CHEK2: variants seen among roughly 807,000 people sequenced by gnomAD.
CHEK2 encodes checkpoint kinase 2, also known as serine/threonine-protein kinase Chk2.
CHEK2 carries 71 observed loss-of-function variants against 69.1 expected under a neutral mutation model. The observed-to-expected ratio is 1.03, with a 90% CI of 0.85 to 1.25. CHEK2 has a LOEUF of 1.25. CHEK2 is among the 50% of genes most tolerant of loss of function. The pLI is 0.00. For missense variants in CHEK2, 664 were observed against 649.6 expected, an observed-to-expected ratio of 1.02 and a Z score of -0.24; for synonymous variants, 189 against 226.9, an observed-to-expected ratio of 0.83 and a Z score of 1.50.
At chr22:28,711,567 G>A (rs1787623761) in intron 6 of CHEK2, among the ~76,000 whole-genome samples, 1 of 151,740 alleles carries the variant, frequency 6.6e-6, no homozygotes, top group African/African-American at 2.4e-5. Context: ...CAGCTGTGGG[G>A]TTACAGTGGG....
chr22:28,708,029 C>T (rs1006612418), intron 7 of CHEK2, among the ~76,000 whole-genome samples: 15 of 151,676 alleles, frequency 9.9e-5, no homozygotes, highest in Middle Eastern at 3.2e-3. Flanking sequence ...TTAGTAGAGA[C>T]GGGATTTCAC....
chr22:28,694,319 T>C (rs1281446260), intron 12 of CHEK2, among the ~76,000 whole-genome samples: 2 of 152,216 alleles, frequency 1.3e-5, no homozygotes, highest in Non-Finnish European at 2.9e-5. Context: ...TGACACTCCC[T>C]GTCTCCTGCT....
At chr22:28,739,586 G>A (rs1356768872) in intron 1 of CHEK2, among the ~76,000 whole-genome samples, 2 of 152,030 alleles carry the variant, frequency 1.3e-5, no homozygotes, top group African/African-American at 2.4e-5. Flanking sequence ...CTACTTGGGA[G>A]GCTGAGGCAG....
chr22:28,712,833 G>A (rs370351969), intron 5 of CHEK2, among the ~76,000 whole-genome samples: 2 of 152,228 alleles, frequency 1.3e-5, no homozygotes, highest in East Asian at 3.9e-4. Context: ...ATTTACCACT[G>A]TAATCATTTT....
At chr22:28,712,266 C>A in intron 5 of CHEK2, 2 of 499,882 alleles carry the variant, frequency 4.0e-6, no homozygotes, top group South Asian at 2.7e-5. Flanking sequence ...CTTACTGTAG[C>A]CCTGGATTGT....
At chr22:28,690,016 C>T (rs540754157) in intron 13 of CHEK2, among the ~76,000 whole-genome samples, 3 of 152,314 alleles carry the variant, frequency 2.0e-5, no homozygotes, top group African/African-American at 7.2e-5. Flanking sequence ...AGAAGCCCAG[C>T]TCAGCCACTC....
intron 14 of CHEK2, among the ~76,000 whole-genome samples, chr22:28,688,664 G>A (rs2052221332): frequency 6.6e-6 from 1 of 150,386 alleles, no homozygotes; most frequent in Non-Finnish European, 1.5e-5. Context: ...CCAAGACTCT[G>A]TCTCAAGAAA....
chr22:28,698,599 C>A (rs1334403566), intron 9 of CHEK2, among the ~76,000 whole-genome samples: 2 of 152,140 alleles, frequency 1.3e-5, no homozygotes, highest in Non-Finnish European at 2.9e-5. Flanking sequence ...ACAAGGATTG[C>A]TCCCAATCAC....
At chr22:28,715,649 AC>A (rs2053562907) in intron 5 of CHEK2, among the ~76,000 whole-genome samples, 1 of 151,984 alleles carries the variant, frequency 6.6e-6, no homozygotes, top group African/African-American at 2.4e-5. Flanking sequence ...CAAACTCCTG[AC>A]CTCAAGTGAT....
intron 6 of CHEK2, 37 bp downstream of exon 6, chr22:28,711,872 G>T: frequency 7.4e-7 from 1 of 1,343,770 alleles, no homozygotes; most frequent in Non-Finnish European, 1.1e-6. Flanking sequence ...ATGAAGACGT[G>T]TTAATAAAAG....
chr22:28,733,517 C>T (rs2054277049), intron 2 of CHEK2, among the ~76,000 whole-genome samples: 1 of 152,156 alleles, frequency 6.6e-6, no homozygotes, highest in South Asian at 2.1e-4. Context: ...CCTTTTATCA[C>T]ATTCAAACTC....
At chr22:28,699,492 G>A (rs143550629) in intron 9 of CHEK2, among the ~76,000 whole-genome samples, 3,253 of 149,968 alleles carry the variant, frequency 0.022, 43 homozygotes, top group Non-Finnish European at 0.027. Context: ...AGCCTCCCGA[G>A]TAGCTGGGAC....
intron 6 of CHEK2, among the ~76,000 whole-genome samples, chr22:28,711,013 C>G (rs1160782832): frequency 6.6e-6 from 1 of 152,072 alleles, no homozygotes; most frequent in Non-Finnish European, 1.5e-5. Context: ...ATTCCTCTTG[C>G]CATGTGAGAA....
intron 4 of CHEK2, among the ~76,000 whole-genome samples, chr22:28,721,054 T>A (rs1369284119): frequency 6.6e-6 from 1 of 152,172 alleles, no homozygotes; most frequent in Non-Finnish European, 1.5e-5. Context: ...ACAACTTCTC[T>A]AAGACATCTG....
chr22:28,734,593 G>A lies in CHEK2; in HGVS notation c.129C>T (p.Thr43=), dbSNP rs786202779. The A allele has an allele frequency of 6.2e-7, 1 of 1,613,940 alleles. No individual in the cohort carries two copies. The highest frequency in any genetic ancestry group is 8.5e-7 in the Non-Finnish European group (1 of 1,180,004). The change falls in exon 2 of 15, where the codon ACC becomes ACT. Residue 43 remains threonine (T), a synonymous_variant. Transcript: ENST00000404276. ...ACTGGCTGGAGTTTGGCATCGTGCT[G>A]GTAGAGGAGCTGGATATGCCCTGGG... The part of the protein sequence containing the change: ...SQSQGISSSS[T]STMPNSSQSS...
rs1271556653 is a variant in CHEK2, at chr22:28,690,091, A to C, written c.1462-876T>G. On this transcript the variant is annotated intron_variant, in intron 13 of 14. Transcript: ENST00000404276. Reference sequence around the variant, plus strand: ...ATTCCAGTGCCTCATGTACTTTCCCACCCAACTCCAGCCCCTCCTCCCACT... The same window carrying C: ...ATTCCAGTGCCTCATGTACTTTCCCCCCCAACTCCAGCCCCTCCTCCCACT... 5.9e-5 allele frequency among the ~76,000 whole-genome samples: 9 copies of C among 152,106 alleles called. 1 individual carries two copies. The highest frequency in any genetic ancestry group is 1.3e-4 in the Non-Finnish European group (9 of 68,014).
intron 9 of CHEK2, among the ~76,000 whole-genome samples, chr22:28,697,405 A>G (rs1293310968): frequency 1.3e-5 from 2 of 152,204 alleles, no homozygotes; most frequent in African/African-American, 4.8e-5. Context: ...ATACAAATAT[A>G]TATTTGTAAA....
At chr22:28,732,178 C>A (rs1345361413) in intron 2 of CHEK2, among the ~76,000 whole-genome samples, 2 of 151,878 alleles carry the variant, frequency 1.3e-5, no homozygotes, top group African/African-American at 4.8e-5. Context: ...ATGGCGAGAT[C>A]TCGGTTCACT....
At chr22:28,698,578 C>T (rs2052687680) in intron 9 of CHEK2, among the ~76,000 whole-genome samples, 1 of 152,130 alleles carries the variant, frequency 6.6e-6, no homozygotes, top group African/African-American at 2.4e-5. Context: ...TTCTCTCGAT[C>T]CTCACTCTGT....
Sources: gnomAD v4.1 joint callset for allele counts (sites outside exome capture counted in the v4.1 genomes callset) on GRCh38, gnomAD v4.1.1 for gene constraint, MANE v1.5 for transcripts, NCBI Gene and HGNC (gene_info 2026-07-23, HGNC 2026-07-21) for gene names.